DOP1A: variants seen among roughly 807,000 people sequenced by gnomAD.
The protein encoded by DOP1A is protein DOP1A.
Under a neutral mutation model 267.6 loss-of-function variants are expected in DOP1A, and 90 were observed. The ratio of observed to expected loss-of-function variants is 0.34; its 90% CI spans 0.28 to 0.40. The LOEUF (loss-of-function observed/expected upper bound fraction) is 0.40, where lower values mean the gene tolerates loss of function less well. Among genes scored for constraint, DOP1A ranks in the 10% least tolerant of loss-of-function variants. The pLI is 1.00. For synonymous variants in DOP1A, 932 were observed against 999.1 expected, an observed-to-expected ratio of 0.93 and a Z score of 1.27; for missense variants, 2,437 against 2,900.4, an observed-to-expected ratio of 0.84 and a Z score of 3.67.
chr6:83,071,457 C>G (rs1785580492), intron 1 of DOP1A, among the ~76,000 whole-genome samples: 1 of 152,126 alleles, frequency 6.6e-6, no homozygotes, highest in African/African-American at 2.4e-5. Context: ...TCCGCCTCGC[C>G]TCTGCCTCTC....
In DOP1A at chr6:83,135,772, G is replaced by A. The variant is rs780764834; in HGVS notation, c.3024G>A (p.Arg1008=). The A allele has an allele frequency of 1.9e-6, 3 of 1,613,530 alleles. No individual in the cohort carries two copies. Among genetic ancestry groups the A allele is most frequent in the Non-Finnish European group, 1.7e-6 (2 of 1,179,678 alleles). ...TCCTGCTTCATCCAAAAACTCAGAG[G>A]GTTTCAGTACAGCGTGTACAAGCAG... ...LLLLLHPKTQ[R]VSVQRVQAER... The change falls in exon 20 of 39, where the codon AGG becomes AGA. Residue 1008 remains arginine (R), a synonymous_variant. Transcript: ENST00000349129.
chr6:83,085,978 G>A (rs1769156065), intron 1 of DOP1A, among the ~76,000 whole-genome samples: 1 of 152,124 alleles, frequency 6.6e-6, no homozygotes, highest in Non-Finnish European at 1.5e-5. Context: ...GCTGGAGTGG[G>A]CTATAACTGG....
chr6:83,072,353 T>C (rs1336520257), intron 1 of DOP1A, among the ~76,000 whole-genome samples: 1 of 152,098 alleles, frequency 6.6e-6, no homozygotes, highest in Admixed American at 6.6e-5. Context: ...AGTTTATCAG[T>C]ACACACAATC....
intron 13 of DOP1A, 72 bp downstream of exon 13, chr6:83,124,891 A>C: frequency 8.3e-7 from 1 of 1,210,048 alleles, no homozygotes; most frequent in Non-Finnish European, 1.2e-6. Context: ...GTTGTAGGCA[A>C]GCCTTCAGAT....
downstream of DOP1A, chr6:83,169,409 G>GA: frequency 2.2e-5 from 32 of 1,462,348 alleles, no homozygotes; most frequent in Non-Finnish European, 2.9e-5. Context: ...GAACTCTGGG[G>GA]AAGAGAGGGG....
chr6:83,145,682 T>C (rs770574869), intron 25 of DOP1A, 24 bp downstream of exon 25: 21 of 1,606,070 alleles, frequency 1.3e-5, no homozygotes, highest in African/African-American at 4.0e-5. Context: ...CTTCTTCACA[T>C]GTGTTTACAA....
chr6:83,111,138 T>G (rs976834509), intron 6 of DOP1A, among the ~76,000 whole-genome samples: 1 of 152,070 alleles, frequency 6.6e-6, no homozygotes, highest in African/African-American at 2.4e-5. Flanking sequence ...ATTTTTTGTG[T>G]TCTTTAAATC....
chr6:83,120,057 CT>C (rs1024997782), intron 9 of DOP1A, among the ~76,000 whole-genome samples, 200 bp downstream of exon 9: 10 of 151,818 alleles, frequency 6.6e-5, no homozygotes, highest in Admixed American at 1.3e-4. Flanking sequence ...AGACAAAAGA[CT>C]TTTTTTCTCT....
downstream of DOP1A, chr6:83,170,323 A>C: frequency 6.2e-7 from 1 of 1,614,186 alleles, no homozygotes; most frequent in Non-Finnish European, 8.5e-7. Context: ...CTGCTTCTGC[A>C]TATACTCGGA....
At chr6:83,074,371 C>T (rs771541167) in intron 1 of DOP1A, among the ~76,000 whole-genome samples, 2 of 151,992 alleles carry the variant, frequency 1.3e-5, no homozygotes, top group Non-Finnish European at 2.9e-5. Context: ...ATTTCATGTT[C>T]TTTAGGGACA....
At chr6:83,096,257 T>C (rs1771491858) in intron 1 of DOP1A, among the ~76,000 whole-genome samples, 1 of 151,210 alleles carries the variant, frequency 6.6e-6, no homozygotes, top group Non-Finnish European at 1.5e-5. Context: ...CTAATTTTTA[T>C]TTTTTTTAGA....
In DOP1A at chr6:83,159,611, T is replaced by C. The variant is rs563848538; in HGVS notation, c.6798-185T>C. ...CAGTCTATGTACTGTTTTTGCATTC[T>C]CAAAGAAGAAAAGTGAATTTTTGAT... On this transcript the variant is annotated intron_variant, in intron 36 of 38. Transcript: ENST00000349129. The C allele has an allele frequency of 2.3e-5, 16 of 693,840 alleles. No homozygotes were observed. In the African/African-American group the frequency reaches 2.5e-4, roughly 11 times the overall value. 43.0% of individuals were successfully genotyped at this position (693,840 alleles called of 1,614,324 possible). A position where few individuals can be genotyped will look rare whatever the true frequency, so the allele number is the denominator to read the frequency against.
chr6:83,157,698 C>A (rs1783116513), intron 35 of DOP1A, among the ~76,000 whole-genome samples: 1 of 152,200 alleles, frequency 6.6e-6, no homozygotes, highest in African/African-American at 2.4e-5. Flanking sequence ...CTGGATTTAA[C>A]TGCTCTGACA....
At position 83,139,024 on chromosome 6, in the gene DOP1A, T is replaced by C. The variant is rs751907531; in HGVS notation, c.4982T>C (p.Ile1661Thr). The C allele has an allele frequency of 1.2e-6, 2 of 1,614,068 alleles. No individual in the cohort carries two copies. Among genetic ancestry groups the C allele is most frequent in the Admixed American group, 3.3e-5 (2 of 59,996 alleles). ...GCATGTAAGATGCACCCACAATGGA[T>C]TGGTTTAATCACATCTACTCTGCCT... ...HCACKMHPQWIGLITSTLPYM... is the reference protein window; with the variant it reads ...HCACKMHPQWTGLITSTLPYM... Residue 1661 changes from isoleucine (I) to threonine (T), a missense_variant, in exon 21 of 39, where the codon ATT (isoleucine) becomes ACT (threonine). Coordinates refer to ENST00000349129, the MANE Select transcript of DOP1A (RefSeq NM_015018.4).
intron 7 of DOP1A, among the ~76,000 whole-genome samples, chr6:83,115,285 A>G (rs1206290738): frequency 2.0e-5 from 3 of 152,212 alleles, no homozygotes; most frequent in African/African-American, 4.8e-5. Context: ...CATGAATTGT[A>G]TATATTGATC....
In DOP1A at chr6:83,130,316, G is replaced by A. The variant is rs1359966785; in HGVS notation, c.2535G>A (p.Gln845=). 2.5e-6 allele frequency: 4 copies of A among 1,614,000 alleles called. No homozygotes were observed. Among genetic ancestry groups the A allele is most frequent in the South Asian group, 1.1e-5 (1 of 91,078 alleles). The change falls in exon 17 of 39, where the codon CAG becomes CAA. Residue 845 remains glutamine, a synonymous_variant. Transcript: ENST00000349129. ...CTGCACAACCCTTAAGTCCAAACCA[G>A]GGAAGAGTAGCTGTGGTTATTAGAC... ...VEPAQPLSPN[Q]GRVAVVIRPP...
At chr6:83,113,827 T>C (rs1436799338) in intron 7 of DOP1A, among the ~76,000 whole-genome samples, 1 of 152,222 alleles carries the variant, frequency 6.6e-6, no homozygotes, top group East Asian at 1.9e-4. Flanking sequence ...GCCACATGTT[T>C]AGCCACTGTG....
intron 4 of DOP1A, among the ~76,000 whole-genome samples, chr6:83,104,493 T>C (rs1279374660): frequency 6.6e-6 from 1 of 152,162 alleles, no homozygotes; most frequent in Admixed American, 6.5e-5. Flanking sequence ...TTTACATTTT[T>C]ATCTAATTTT....
At chr6:83,115,684 C>T (rs1775309288) in intron 7 of DOP1A, among the ~76,000 whole-genome samples, 1 of 152,112 alleles carries the variant, frequency 6.6e-6, no homozygotes, top group Non-Finnish European at 1.5e-5. Flanking sequence ...GTGATCGTGC[C>T]ACTGCACTCC....
Sources: gnomAD v4.1 joint callset for allele counts (sites outside exome capture counted in the v4.1 genomes callset) on GRCh38, gnomAD v4.1.1 for gene constraint, MANE v1.5 for transcripts, NCBI Gene and HGNC (gene_info 2026-07-23, HGNC 2026-07-21) for gene names.